The following JUP variants were observed in gnomAD, a reference collection of about 807,000 sequenced individuals.
The protein encoded by JUP is junction plakoglobin, also known as catenin (cadherin-associated protein), gamma 80kDa.
JUP carries 28 observed loss-of-function variants against 71.1 expected under a neutral mutation model. The ratio of observed to expected loss-of-function variants is 0.39; its 90% CI spans 0.29 to 0.54. The LOEUF (loss-of-function observed/expected upper bound fraction) is 0.54. Ranked by LOEUF, JUP falls within the 20% of genes least tolerant of loss-of-function variation. The probability of loss-of-function intolerance (pLI) is 0.62; values close to 1 mark genes in which losing one functional copy is unlikely to be tolerated. For missense variants in JUP, 869 were observed against 1,030.1 expected, an observed-to-expected ratio of 0.84 and a Z score of 2.14; for synonymous variants, 401 against 438.9, an observed-to-expected ratio of 0.91 and a Z score of 1.08.
Position 41,755,267 on chromosome 17 carries a change from C to G in JUP, c.*477G>C, listed in dbSNP as rs1420364073. 30 of 399,372 alleles carry G rather than the reference C, an allele frequency of 7.5e-5. No individual in the cohort carries two copies. Among genetic ancestry groups the G allele is most frequent in the Non-Finnish European group, 1.3e-4 (30 of 226,838 alleles). The allele number at this position is 399,372 out of a possible 1,614,324, so 24.7% of individuals were successfully genotyped here. A position where few individuals can be genotyped will look rare whatever the true frequency, so the allele number is the denominator to read the frequency against. Reference sequence around the variant, plus strand: ...GGGTGTCAGGCCCTGGACCCATGCCCAGGACAGAAAAGCAGGAGCAGAACA... The same window carrying G: ...GGGTGTCAGGCCCTGGACCCATGCCGAGGACAGAAAAGCAGGAGCAGAACA... On this transcript the variant is annotated 3_prime_UTR_variant, in exon 14 of 14. Coordinates refer to ENST00000393931, the MANE Select transcript of JUP (RefSeq NM_002230.4).
At chr17:41,777,090 G>C (rs1449580983) in intron 1 of JUP, among the ~76,000 whole-genome samples, 1 of 152,238 alleles carries the variant, frequency 6.6e-6, no homozygotes, top group Non-Finnish European at 1.5e-5. Flanking sequence ...CAGTCTGTCT[G>C]GGGGAGCCCT....
intron 8 of JUP, among the ~76,000 whole-genome samples, chr17:41,759,120 C>T (rs1253913614): frequency 6.9e-6 from 1 of 144,700 alleles, no homozygotes; most frequent in East Asian, 2.0e-4. Flanking sequence ...GTCACCCAGG[C>T]TGGAGTGCAG....
At chr17:41,760,149 C>T (rs1567805549) in intron 8 of JUP, among the ~76,000 whole-genome samples, 1 of 151,480 alleles carries the variant, frequency 6.6e-6, no homozygotes, top group Non-Finnish European at 1.5e-5. Context: ...GGCAACAGAG[C>T]AAGAATCTGT....
At chr17:41,764,677 G>A (rs781869312) in intron 7 of JUP, 36 bp downstream of exon 7, 30 of 1,566,726 alleles carry the variant, frequency 1.9e-5, no homozygotes, top group Non-Finnish European at 2.5e-5. Flanking sequence ...TGGGGCAGCT[G>A]AAGAGGTCAA....
Position 41,755,883 on chromosome 17 carries a change from G to A in JUP, c.2099C>T (p.Thr700Ile), listed in dbSNP as rs1913627808. ...ATCGCTGGAGTACATGGGGCGGTAG[G>A]TGGCATCCATGTCTGGGGACAAAAA... is the stretch of plus-strand genomic sequence containing the variant. ...NEPYGDDMDA[T>I]YRPMYSSDVP... Residue 700 changes from threonine (T) to isoleucine (I), a missense_variant, in exon 14 of 14, where the codon ACC becomes ATC. Thr to Ile is a moderately conservative substitution (Grantham distance 89). Transcript: ENST00000393931. 1.9e-6 allele frequency: 3 copies of A among 1,609,232 alleles called. No individual in the cohort carries two copies. Among genetic ancestry groups the A allele is most frequent in the South Asian group, 2.2e-5 (2 of 90,772 alleles).
At chr17:41,773,125 T>G (rs1022641445) in intron 1 of JUP, among the ~76,000 whole-genome samples, 1 of 152,186 alleles carries the variant, frequency 6.6e-6, no homozygotes. Flanking sequence ...TCTTTGCACA[T>G]CCCGGCGCAG....
chr17:41,755,875 G>T lies in JUP; in HGVS notation c.2107C>A (p.Pro703Thr). The T allele has an allele frequency of 6.2e-7, 1 of 1,610,386 alleles. No individual in the cohort carries two copies. Residue 703 changes from proline (P) to threonine (T), a missense_variant, in exon 14 of 14, where the codon CCC (proline) becomes ACC (threonine). Transcript: ENST00000393931. Reference sequence around the variant, plus strand: ...AGGGGCACATCGCTGGAGTACATGGGGCGGTAGGTGGCATCCATGTCTGGG... The same window carrying T: ...AGGGGCACATCGCTGGAGTACATGGTGCGGTAGGTGGCATCCATGTCTGGG... ...YGDDMDATYR[P>T]MYSSDVPLDP...
In JUP at chr17:41,769,472, C is replaced by G. The variant is rs370003514; in HGVS notation, c.414G>C (p.Glu138Asp). 1 of 1,613,076 alleles carries G rather than the reference C, an allele frequency of 6.2e-7. No individual in the cohort carries two copies. The highest frequency in any genetic ancestry group is 8.5e-7 in the Non-Finnish European group (1 of 1,179,692). Residue 138 changes from glutamate (E) to aspartate (D), a missense_variant, in exon 3 of 14, where the codon GAG becomes GAC. Glu to Asp is a conservative substitution (Grantham distance 45). Coordinates refer to ENST00000393931, the MANE Select transcript of JUP (RefSeq NM_002230.4). The part of the protein sequence containing the change: ...VHLINYQDDA[E>D]LATRALPELT... ...GCTCGGGCAGGGCGCGAGTGGCCAG[C>G]TCGGCATCGTCCTGGTAGTTGATGA...
At chr17:41,778,803 C>A (rs547097465) in intron 1 of JUP, among the ~76,000 whole-genome samples, 3 of 150,332 alleles carry the variant, frequency 2.0e-5, no homozygotes, top group African/African-American at 7.4e-5. Flanking sequence ...CCCAGCTACT[C>A]GGGAGGCTGA....
chr17:41,765,004 C>T lies in JUP; in HGVS notation c.973G>A (p.Glu325Lys), dbSNP rs781974007. 3.1e-6 allele frequency: 5 copies of T among 1,614,124 alleles called. No individual in the cohort carries two copies. The highest frequency in any genetic ancestry group is 4.2e-6 in the Non-Finnish European group (5 of 1,180,008). ...LVQIMRNYSY[E>K]KLLWTTSRVL... ...CGACTGGTGGTCCAGAGCAGCTTTT[C>T]ATAACTGTAGTTACGCATGATCTGC... Residue 325 changes from glutamate (E) to lysine (K), a missense_variant, in exon 6 of 14, where the codon GAA becomes AAA. By Grantham distance (56) the Glu-to-Lys change is moderately conservative. Transcript: ENST00000393931.
At chr17:41,781,444 A>T (rs538662997) in intron 1 of JUP, among the ~76,000 whole-genome samples, 37 of 152,318 alleles carry the variant, frequency 2.4e-4, no homozygotes, top group African/African-American at 7.9e-4. Flanking sequence ...CAGGAGGCTG[A>T]GCAAAGGAGA....
At position 41,784,878 on chromosome 17, in the gene JUP, A is replaced by G. The variant is rs141658189; in HGVS notation, c.-9+1710T>C. Reference sequence around the variant, plus strand: ...TGTTGTATTCTCTCTCTGTTCCCCAACGAGGCTGGGCTCCAAATCCTGCAA... The same window carrying G: ...TGTTGTATTCTCTCTCTGTTCCCCAGCGAGGCTGGGCTCCAAATCCTGCAA... On this transcript the variant is annotated intron_variant, in intron 1 of 13. Coordinates refer to ENST00000393931, the MANE Select transcript of JUP (RefSeq NM_002230.4). 13 of 151,842 alleles carry G rather than the reference A, an allele frequency of 8.6e-5. No homozygotes were observed. The East Asian group carries it at 2.3e-3, about 27-fold the overall frequency. The allele number at this position is 151,842 out of a possible 1,614,324, so 9.4% of individuals were successfully genotyped here.
In JUP at chr17:41,771,855, C is replaced by T. The variant is rs371404126; in HGVS notation, c.-1G>A. The T allele has an allele frequency of 3.1e-6, 5 of 1,609,012 alleles. No homozygotes were observed. The African/African-American group carries it at 4.0e-5, about 13-fold the overall frequency. Reference sequence around the variant, plus strand: ...GCTCCATCAGGTTCATCACCTCCATCGTGGCTACTGGGGGCACAAAGGAGG... The same window carrying T: ...GCTCCATCAGGTTCATCACCTCCATTGTGGCTACTGGGGGCACAAAGGAGG... On this transcript the variant is annotated 5_prime_UTR_variant, in exon 2 of 14. Transcript: ENST00000393931.
intron 1 of JUP, among the ~76,000 whole-genome samples, chr17:41,781,061 G>A (rs1555610147): frequency 6.6e-6 from 1 of 151,990 alleles, no homozygotes; most frequent in African/African-American, 2.4e-5. Flanking sequence ...GGCGCCTGTA[G>A]TCCCAGCTAC....
Position 41,771,694 on chromosome 17 carries a change from G to A in JUP, c.161C>T (p.Thr54Met), listed in dbSNP as rs782529328. ...GGTGTAAGTGGTGGTTTTCTTGAGC[G>A]TGTACTGGCGCCCGCAGGCCTCATC... ...EEDEACGRQY[T>M]LKKTTTYTQG... The change falls in exon 2 of 14, where the codon ACG (threonine) becomes ATG (methionine). Residue 54 changes from threonine (T) to methionine (M), a missense_variant. Transcript: ENST00000393931. The A allele has an allele frequency of 3.4e-5, 55 of 1,613,982 alleles. No homozygotes were observed. The highest frequency in any genetic ancestry group is 1.7e-4 in the Middle Eastern group (1 of 6,060).
At chr17:41,770,661 G>A (rs548327572) in intron 2 of JUP, among the ~76,000 whole-genome samples, 1 of 152,202 alleles carries the variant, frequency 6.6e-6, no homozygotes, top group Non-Finnish European at 1.5e-5. Context: ...CATGTTCAGG[G>A]CCCTGGAGGC....
chr17:41,777,467 C>T (rs1331203886), intron 1 of JUP, among the ~76,000 whole-genome samples: 2 of 152,230 alleles, frequency 1.3e-5, no homozygotes, highest in Non-Finnish European at 2.9e-5. Context: ...GGCCTGTTTC[C>T]CTCTCAGGCT....
Position 41,770,443 on chromosome 17 carries a change from G to A in JUP, c.209-766C>T, listed in dbSNP as rs1189654086. On this transcript the variant is annotated intron_variant, in intron 2 of 13. Transcript: ENST00000393931. ...CAGAGGTTCCACCCTCTAATTAGTC[G>A]AGAAGGAGGAGACAGCTGCATGGCT... Among the ~76,000 whole-genome samples the A allele has an allele frequency of 3.3e-5, 5 of 152,324 alleles. No individual in the cohort carries two copies. In the East Asian group the frequency reaches 9.6e-4, roughly 29 times the overall value.
At chr17:41,760,494 G>A (rs929482081) in intron 8 of JUP, among the ~76,000 whole-genome samples, 4 of 151,646 alleles carry the variant, frequency 2.6e-5, no homozygotes, top group African/African-American at 9.7e-5. Flanking sequence ...TCCTGACCTC[G>A]TGATCCACAC....
Sources: gnomAD v4.1 joint callset for allele counts (sites outside exome capture counted in the v4.1 genomes callset) on GRCh38, gnomAD v4.1.1 for gene constraint, MANE v1.5 for transcripts, NCBI Gene and HGNC (gene_info 2026-07-23, HGNC 2026-07-21) for gene names.